SPACA6: variants seen among roughly 807,000 people sequenced by gnomAD.
The protein encoded by SPACA6 is sperm acrosome membrane-associated protein 6.
For synonymous variants in SPACA6, 6 were observed against 1.5 expected (o/e 4.05, Z -2.21); for missense variants, 8 against 2.8 (o/e 2.88, Z -1.34).
intron 2 of SPACA6, among the ~76,000 whole-genome samples, chr19:51,698,334 A>T (rs1392085113): frequency 6.6e-6 from 1 of 152,144 alleles, no homozygotes; most frequent in African/African-American, 2.4e-5. Context: ...ATGCCGCCTT[A>T]TGGCCCGCTT....
At chr19:51,711,894 A>C (rs910165826) in intron 2 of SPACA6, 1 of 152,250 alleles carries the variant, frequency 6.6e-6, no homozygotes, top group African/African-American at 2.4e-5. Context: ...AGGGGTGAGA[A>C]AGGAGAAGTG....
At chr19:51,693,145 C>T (rs1447447184), upstream of SPACA6, 2 of 432,412 alleles carry the variant, frequency 4.6e-6, no homozygotes. Flanking sequence ...CTCTGTGTCT[C>T]TATTTCTGTC....
upstream of SPACA6, chr19:51,686,604 A>C (rs2083329501): frequency 6.6e-6 from 1 of 152,244 alleles, no homozygotes; most frequent in Non-Finnish European, 1.5e-5. Context: ...CCCAGTGTCA[A>C]TCCTTAGAAA....
downstream of SPACA6, among the ~76,000 whole-genome samples, chr19:51,709,693 A>G (rs1373276163): frequency 6.6e-6 from 1 of 151,870 alleles, no homozygotes; most frequent in Admixed American, 6.6e-5. Flanking sequence ...CAGGCAGGTC[A>G]TGACTTGATT....
At chr19:51,695,023 AACAC>A (rs199979393) in intron 2 of SPACA6, among the ~76,000 whole-genome samples, 2 of 151,922 alleles carry the variant, frequency 1.3e-5, no homozygotes, top group African/African-American at 4.8e-5. Flanking sequence ...TCTAGGATAG[AACAC>A]ACACACACTC....
chr19:51,701,542 TC>T (rs2083468426), intron 2 of SPACA6, 115 bp from the exon 3 acceptor site: 3 of 390,572 alleles, frequency 7.7e-6, no homozygotes, highest in Admixed American at 4.5e-5. Flanking sequence ...TGACAGTACG[TC>T]CTGTGAGCTA....
intron 1 of SPACA6, chr19:51,694,188 C>T (rs898395909): frequency 3.1e-6 from 1 of 322,770 alleles, no homozygotes; most frequent in African/African-American, 2.1e-5. Context: ...AGGATGGAGA[C>T]TCAGAGGGTG....
At position 51,703,880 on chromosome 19, in the gene SPACA6, C is replaced by T. The variant is rs1223305122; in HGVS notation, c.574-150C>T. ...GTTTAAGGAGTGAGGGGAAGGGGTG[C>T]GTTTAGGGCAGGGGAGCGAGAAGGC... On this transcript the variant is annotated intron_variant, in intron 6 of 8. Coordinates refer to ENST00000637797, the MANE Select transcript of SPACA6 (RefSeq NM_001316972.2). This position sits in a 1 kb window ranked among gnomAD's most constrained non-coding sequence, Gnocchi z 4.2. The T allele has an allele frequency of 1.0e-5, 4 of 391,348 alleles. No homozygotes were observed. In the Admixed American group the frequency reaches 1.8e-4, roughly 18 times the overall value. The allele number at this position is 391,348 out of a possible 1,614,324, so 24.2% of individuals were successfully genotyped here. A position where few individuals can be genotyped will look rare whatever the true frequency, so the allele number is the denominator to read the frequency against.
chr19:51,683,559 A>C, the SPACA6 span, among the ~76,000 whole-genome samples: 2 of 152,238 alleles, frequency 1.3e-5, no homozygotes, highest in Non-Finnish European at 2.9e-5. Context: ...AGGATGGGAA[A>C]GAATACAGTA....
upstream of SPACA6, chr19:51,692,761 TCGGGTCTGTC>T (rs774838746): frequency 5.6e-6 from 3 of 534,472 alleles, no homozygotes; most frequent in South Asian, 4.2e-5. The surrounding 1 kb of genome is among the most constrained non-coding windows in gnomAD (Gnocchi z 5.6). Flanking sequence ...TGTCTGTCTG[TCGGGTCTGTC>T]CACCTGCCGC....
upstream of SPACA6, chr19:51,685,869 G>A (rs903494077): frequency 6.6e-6 from 1 of 152,226 alleles, no homozygotes; most frequent in Non-Finnish European, 1.5e-5. Flanking sequence ...GTGATGGAAT[G>A]AAATTTTTCA....
upstream of SPACA6, among the ~76,000 whole-genome samples, chr19:51,690,511 G>A (rs2083360878): frequency 1.3e-5 from 2 of 152,112 alleles, no homozygotes; most frequent in South Asian, 4.1e-4. Flanking sequence ...AGCCCTCCAG[G>A]GGTTAAGGGG....
chr19:51,710,945 T>C (rs898663137), intron 2 of SPACA6, among the ~76,000 whole-genome samples: 3 of 152,172 alleles, frequency 2.0e-5, no homozygotes, highest in Non-Finnish European at 2.9e-5. Flanking sequence ...CTGGGTGTGG[T>C]GGCACATGCC....
chr19:51,698,563 C>G (rs895480435), intron 2 of SPACA6, among the ~76,000 whole-genome samples: 2 of 152,164 alleles, frequency 1.3e-5, no homozygotes, highest in Admixed American at 6.5e-5. Context: ...TGCTCCTGAT[C>G]ATCCTGCCAT....
At chr19:51,694,733 C>CT (rs3833873) in intron 2 of SPACA6, among the ~76,000 whole-genome samples, 178 bp downstream of exon 2, 30,862 of 152,120 alleles carry the variant, frequency 0.2, 3,187 homozygotes, top group South Asian at 0.29. Flanking sequence ...GAAGGCAGCT[C>CT]TAAGAGCCAG....
chr19:51,686,419 CA>C (rs1205944194), upstream of SPACA6: 1 of 152,218 alleles, frequency 6.6e-6, no homozygotes, highest in Non-Finnish European at 1.5e-5. Flanking sequence ...CACAACACAA[CA>C]GGATCAGGGC....
At chr19:51,704,565 C>T in intron 8 of SPACA6, 85 bp downstream of exon 8, 1 of 400,450 alleles carries the variant, frequency 2.5e-6, no homozygotes, top group Non-Finnish European at 4.4e-6. Context: ...CCAGCAACCT[C>T]CAACCCAGGA....
chr19:51,707,221 T>C (rs1356920993), downstream of SPACA6, among the ~76,000 whole-genome samples: 1 of 142,490 alleles, frequency 7.0e-6, no homozygotes, highest in African/African-American at 2.8e-5. Flanking sequence ...AAACTGTTTC[T>C]CTCTCTCCCT....
downstream of SPACA6, among the ~76,000 whole-genome samples, chr19:51,706,763 G>A (rs1169374529): frequency 1.3e-5 from 2 of 152,000 alleles, no homozygotes; most frequent in Non-Finnish European, 2.9e-5. Flanking sequence ...GGGTTCAAGC[G>A]ATTCTGCTGC....
Sources: allele counts gnomAD v4.1 joint callset (sites outside exome capture counted in the v4.1 genomes callset), GRCh38; gene constraint gnomAD v4.1.1; non-coding constraint Gnocchi (gnomAD v3.1); transcripts MANE v1.5; gene names NCBI Gene and HGNC (gene_info 2026-07-23, HGNC 2026-07-21).